The following MTSS2 variants were observed in gnomAD, a reference collection of about 807,000 sequenced individuals.
MTSS2 encodes the protein protein MTSS 2.
A neutral mutation model predicts 67.1 loss-of-function variants in MTSS2; 27 were observed. The observed-to-expected ratio is 0.40, with a 90% CI of 0.30 to 0.55. The LOEUF is 0.55. Ranked by LOEUF, MTSS2 falls within the 20% of genes least tolerant of loss-of-function variation. The probability of loss-of-function intolerance (pLI) is 0.43; values close to 1 mark genes in which losing one functional copy is unlikely to be tolerated. For synonymous variants in MTSS2, 624 were observed against 468.6 expected, an observed-to-expected ratio of 1.33 and a Z score of -4.28; for missense variants, 1,171 against 1,067.8, an observed-to-expected ratio of 1.10 and a Z score of -1.35.
In MTSS2 at chr16:70,662,789, G is replaced by C. The variant is rs1015509996; in HGVS notation, c.*888C>G. On this transcript the variant is annotated 3_prime_UTR_variant, in exon 15 of 15. Transcript: ENST00000338779. Reference sequence around the variant, plus strand: ...ATAAAATGACCCCACACCTCCTACTGCTCCAGTCACCCCCCGAAAGGTGGC... The same window carrying C: ...ATAAAATGACCCCACACCTCCTACTCCTCCAGTCACCCCCCGAAAGGTGGC... 2.8e-4 allele frequency: 42 copies of C among 152,586 alleles called. No individual in the cohort carries two copies. The highest frequency in any genetic ancestry group is 9.2e-4 in the African/African-American group (38 of 41,520). The allele number at this position is 152,586 out of a possible 1,614,324, so 9.5% of individuals were successfully genotyped here.
Position 70,678,463 on chromosome 16 carries a change from A to T in MTSS2, c.467-54T>A, listed in dbSNP as rs1013403286. Reference sequence around the variant, plus strand: ...TGGGGATGCCAGCCTGGCTTGCCACACCCACAAATGGGCTCAGACCCTGGT... The same window carrying T: ...TGGGGATGCCAGCCTGGCTTGCCACTCCCACAAATGGGCTCAGACCCTGGT... On this transcript the variant is annotated intron_variant, in intron 7 of 14. Transcript: ENST00000338779. The T allele has an allele frequency of 1.9e-5, 30 of 1,567,780 alleles. No homozygotes were observed. The Admixed American group carries it at 5.3e-4, about 28-fold the overall frequency.
In MTSS2 at chr16:70,664,418, C is replaced by T; in HGVS notation, c.1503G>A (p.Gly501=). The T allele has an allele frequency of 1.3e-6, 2 of 1,548,104 alleles. No individual in the cohort carries two copies. Among genetic ancestry groups the T allele is most frequent in the East Asian group, 2.3e-5 (1 of 44,386 alleles). Reference sequence around the variant, plus strand: ...CGGGCGGGCCCTCGCTGTCCGCATCCCCATTCACGGAGTAGCAGTCGTAGT... The same window carrying T: ...CGGGCGGGCCCTCGCTGTCCGCATCTCCATTCACGGAGTAGCAGTCGTAGT... ...GSDYDCYSVN[G]DADSEGPPEF... The change falls in exon 15 of 15, where the codon GGG becomes GGA. Residue 501 remains glycine, a synonymous_variant. Coordinates refer to ENST00000338779, the MANE Select transcript of MTSS2 (RefSeq NM_138383.3).
chr16:70,663,660 T>G lies in MTSS2; in HGVS notation c.*17A>C. ...CTGCTCGCACTGGGGCCTGAGAGGA[T>G]GGGGAGGGTGGCGCCATCATAAGAT... is the stretch of plus-strand genomic sequence containing the variant. On this transcript the variant is annotated 3_prime_UTR_variant, in exon 15 of 15. Coordinates refer to ENST00000338779, the MANE Select transcript of MTSS2 (RefSeq NM_138383.3). 3.2e-6 allele frequency: 5 copies of G among 1,557,236 alleles called. No individual in the cohort carries two copies. Among genetic ancestry groups the G allele is most frequent in the Non-Finnish European group, 4.3e-6 (5 of 1,152,106 alleles).
chr16:70,679,241 G>C, intron 7 of MTSS2, 74 bp downstream of exon 7: 28 of 1,567,246 alleles, frequency 1.8e-5, no homozygotes, highest in Non-Finnish European at 2.5e-5. Flanking sequence ...CCTTCCAATG[G>C]CCCTGAGCTG....
chr16:70,679,961 G>T lies in MTSS2; in HGVS notation c.290+10C>A, dbSNP rs756420014. The T allele has an allele frequency of 4.4e-6, 6 of 1,349,290 alleles. No individual in the cohort carries two copies. The highest frequency in any genetic ancestry group is 5.0e-6 in the Non-Finnish European group (5 of 1,008,820). The allele number at this position is 1,349,290 out of a possible 1,614,324, so 83.6% of individuals were successfully genotyped here. A position where few individuals can be genotyped will look rare whatever the true frequency, so the allele number is the denominator to read the frequency against. ...CCCCGCCCCCCTGCCCGCCCGCAGC[G>T]CCCACTCACTTGGTGAACTGCCGCA... On this transcript the variant is annotated intron_variant, in intron 4 of 14. Coordinates refer to ENST00000338779, the MANE Select transcript of MTSS2 (RefSeq NM_138383.3).
Position 70,678,018 on chromosome 16 carries a change from C to A in MTSS2, c.625-119G>T, listed in dbSNP as rs1034894001. On this transcript the variant is annotated intron_variant, in intron 8 of 14. Transcript: ENST00000338779. ...TCCTCTCTCACCCCTCCTCGCTAAC[C>A]AATGCTGCTCGGGGCTGGTGCAGGT... The A allele has an allele frequency of 1.2e-5, 12 of 998,512 alleles. No homozygotes were observed. The African/African-American group carries it at 1.8e-4, about 15-fold the overall frequency. 61.9% of individuals were successfully genotyped at this position (998,512 alleles called of 1,614,324 possible).
chr16:70,680,918 G>GGGGGGGCCCC, intron 2 of MTSS2, 46 bp downstream of exon 2: 1 of 1,097,924 alleles, frequency 9.1e-7, no homozygotes. Context: ...CGGGGGGGGG[G>GGGGGGGCCCC]CCTCTGCCTG....
rs1045985111 is a variant in MTSS2, at chr16:70,663,785, T to C, written c.2136A>G (p.Pro712=). Reference sequence around the variant, plus strand: ...CGGCCGGGGGGTCGCTGGTGGCGGCTGGGGGTGGGGTGGGCGTCTCCTCCG... The same window carrying C: ...CGGCCGGGGGGTCGCTGGTGGCGGCCGGGGGTGGGGTGGGCGTCTCCTCCG... ...TPTEETPTPP[P]AATSDPPAED... is the part of the protein sequence containing the mutation. Residue 712 remains proline (P), a synonymous_variant, in exon 15 of 15, where the codon CCA becomes CCG. Coordinates refer to ENST00000338779, the MANE Select transcript of MTSS2 (RefSeq NM_138383.3). 4 of 1,261,892 alleles carry C rather than the reference T, an allele frequency of 3.2e-6. No individual in the cohort carries two copies. The highest frequency in any genetic ancestry group is 3.2e-6 in the Non-Finnish European group (3 of 949,388). The allele number at this position is 1,261,892 out of a possible 1,614,324, so 78.2% of individuals were successfully genotyped here.
At chr16:70,671,125 A>T (rs997245195) in intron 11 of MTSS2, among the ~76,000 whole-genome samples, 2 of 152,090 alleles carry the variant, frequency 1.3e-5, no homozygotes, top group Non-Finnish European at 2.9e-5. Context: ...CTCAATAAAA[A>T]AGTTCCTTGG....
chr16:70,680,833 C>A lies in MTSS2; in HGVS notation c.166G>T (p.Ala56Ser). 6.4e-7 allele frequency: 1 copy of A among 1,557,658 alleles called. No individual in the cohort carries two copies. Among genetic ancestry groups the A allele is most frequent in the Non-Finnish European group, 8.7e-7 (1 of 1,151,114 alleles). ...TVLAAVAFLDAFQKVADMATN... is the reference protein window; with the variant it reads ...TVLAAVAFLDSFQKVADMATN... ...GCCATGTCAGCCACTTTCTGGAAGG[C>A]ATCCAGGAAGGCCACAGCAGCCAGC... Residue 56 changes from alanine to serine, a missense_variant, in exon 3 of 15, where the codon GCC becomes TCC. Physicochemically the swap from Ala to Ser is moderately conservative, Grantham distance 99. Coordinates refer to ENST00000338779, the MANE Select transcript of MTSS2 (RefSeq NM_138383.3).
rs1211744125 is a variant in MTSS2 at position 70,661,446 on chromosome 16, A to G, written c.*2231T>C. 1.6e-5 allele frequency: 6 copies of G among 376,304 alleles called. No individual in the cohort carries two copies. The East Asian group carries it at 4.5e-4, about 28-fold the overall frequency. 23.3% of individuals were successfully genotyped at this position (376,304 alleles called of 1,614,324 possible). On this transcript the variant is annotated 3_prime_UTR_variant, in exon 15 of 15. Transcript: ENST00000338779. ...TGGGGTGGGGGAATAAATTAAAAAA[A>G]GGAACGAGTTAACAACAGCACCAGG... is the stretch of plus-strand genomic sequence containing the variant.
chr16:70,672,145 C>T (rs532070934), intron 11 of MTSS2, among the ~76,000 whole-genome samples: 50 of 152,066 alleles, frequency 3.3e-4, no homozygotes, highest in African/African-American at 8.9e-4. Flanking sequence ...GTCAGGAATT[C>T]GAGACCAGCC....
chr16:70,681,965 T>C (rs1020946300), intron 1 of MTSS2, among the ~76,000 whole-genome samples: 17 of 152,054 alleles, frequency 1.1e-4, no homozygotes, highest in African/African-American at 3.9e-4. Context: ...CTCCCTTCCA[T>C]GTAGGATGGG....
Position 70,663,706 on chromosome 16 carries a change from T to C in MTSS2, c.2215A>G (p.Asn739Asp), listed in dbSNP as rs778188568. 1.9e-6 allele frequency: 3 copies of C among 1,589,526 alleles called. No individual in the cohort carries two copies. In the Admixed American group the frequency reaches 5.3e-5, roughly 28 times the overall value. Reference protein sequence around the residue: ...RGVRLRRTVTNDRSAPRIL With the variant: ...RGVRLRRTVTDDRSAPRIL Reference sequence around the variant, plus strand: ...AAGATGCGGGGCGCCGACCTGTCGTTGGTGACGGTCCTGCGGAGCCGGACC... The same window carrying C: ...AAGATGCGGGGCGCCGACCTGTCGTCGGTGACGGTCCTGCGGAGCCGGACC... The change falls in exon 15 of 15, where the codon AAC (asparagine) becomes GAC (aspartate). Residue 739 changes from asparagine (N) to aspartate (D), a missense_variant. Physicochemically the swap from Asn to Asp is conservative, Grantham distance 23 (BLOSUM62 1). Transcript: ENST00000338779.
Position 70,664,609 on chromosome 16 carries a change from ATGGTGTCCTCAGAGCAGGAGGGCG to A in MTSS2, c.1436_1459del (p.Thr479_Thr486del). 1 of 1,612,374 alleles carries A rather than the reference ATGGTGTCCTCAGAGCAGGAGGGCG, an allele frequency of 6.2e-7. No homozygotes were observed. Among genetic ancestry groups the A allele is most frequent in the Non-Finnish European group, 8.5e-7 (1 of 1,179,494 alleles). On this transcript the variant is annotated inframe_deletion, in exon 14 of 15. Coordinates refer to ENST00000338779, the MANE Select transcript of MTSS2 (RefSeq NM_138383.3). ...CCCCGCGGGCCTGCCTTGGGAGGGG[ATGGTGTCCTCAGAGCAGGAGGGCG>A]TGGTGGTCTGCGTGCTGTAGCCGCT...
chr16:70,667,600 T>G lies in MTSS2; in HGVS notation c.1054-2060A>C, dbSNP rs146802143. 1.1e-4 allele frequency among the ~76,000 whole-genome samples: 16 copies of G among 152,246 alleles called. No individual in the cohort carries two copies. In the East Asian group the frequency reaches 3.1e-3, roughly 29 times the overall value. ...CAAAAACTACAGAACAAGCTGGGCA[T>G]GGTGGCTCACACCTATACTCCCAGC... On this transcript the variant is annotated intron_variant, in intron 11 of 14. Coordinates refer to ENST00000338779, the MANE Select transcript of MTSS2 (RefSeq NM_138383.3).
chr16:70,664,046 G>A lies in MTSS2; in HGVS notation c.1875C>T (p.Pro625=). Residue 625 remains proline (P), a synonymous_variant, in exon 15 of 15, where the codon CCC becomes CCT. Coordinates refer to ENST00000338779, the MANE Select transcript of MTSS2 (RefSeq NM_138383.3). ...AGGCCTTGGCGAGGTCCGGTGCCAG[G>A]GGTGAGGCGGTCTCGTCGGTATAGA... ...CVFYTDETAS[P]LAPDLAKASP... The A allele has an allele frequency of 1.9e-6, 3 of 1,610,106 alleles. No homozygotes were observed. The highest frequency in any genetic ancestry group is 2.5e-6 in the Non-Finnish European group (3 of 1,178,922).
intron 11 of MTSS2, among the ~76,000 whole-genome samples, chr16:70,672,435 GGA>G (rs1162058487): frequency 6.6e-6 from 1 of 151,538 alleles, no homozygotes; most frequent in East Asian, 1.9e-4. Flanking sequence ...CAGCAGGACA[GGA>G]GAGAGAAAAC....
chr16:70,665,238 G>A (rs1435619306), intron 12 of MTSS2, 142 bp from the exon 13 acceptor site: 1 of 1,046,802 alleles, frequency 9.6e-7, no homozygotes, highest in South Asian at 1.7e-5. Context: ...GGCAGAGCAT[G>A]GAGTGTGACT....
Sources: gnomAD v4.1 joint callset for allele counts (sites outside exome capture counted in the v4.1 genomes callset) on GRCh38, gnomAD v4.1.1 for gene constraint, MANE v1.5 for transcripts, NCBI Gene and HGNC (gene_info 2026-07-23, HGNC 2026-07-21) for gene names.